Variants in SENP1 observed in about 807,000 individuals in gnomAD.
The protein encoded by SENP1 is SUMO specific peptidase 1, also known as sentrin-specific protease 1.
Under a neutral mutation model 93.0 loss-of-function variants are expected in SENP1, and 21 were observed. That is an observed-to-expected ratio of 0.23 (90% CI 0.16 to 0.33). SENP1 has a LOEUF of 0.33. Among genes scored for constraint, SENP1 ranks in the 10% least tolerant of loss-of-function variants. The pLI, the probability that SENP1 is intolerant of heterozygous loss-of-function variation, is 1.00. For missense variants in SENP1, 591 were observed against 758.7 expected, an observed-to-expected ratio of 0.78 and a Z score of 2.60; for synonymous variants, 256 against 259.6, an observed-to-expected ratio of 0.99 and a Z score of 0.13.
intron 1 of SENP1, 168 bp downstream of exon 1, chr12:48,105,860 G>C: frequency 1.7e-6 from 1 of 605,020 alleles, no homozygotes; most frequent in East Asian, 2.8e-5. Context: ...GACAGCAGGG[G>C]GGAGGGGAGG....
chr12:48,098,643 C>CAAAA (rs749908469), intron 2 of SENP1, among the ~76,000 whole-genome samples: 3 of 109,326 alleles, frequency 2.7e-5, no homozygotes, highest in Non-Finnish European at 5.9e-5. Flanking sequence ...AACTCCATCT[C>CAAAA]AAAAAAAAAA....
Position 48,101,080 on chromosome 12 carries a change from G to T in SENP1, c.4+389C>A, listed in dbSNP as rs547869740. ...GTGGGCCGATCACCTGAGGTCAGGG[G>T]TTTGAGACCAGCCTGGCCAACATGG... On this transcript the variant is annotated intron_variant, in intron 2 of 17. Transcript: ENST00000549518. Among the ~76,000 whole-genome samples, 4 of 152,298 alleles carry T rather than the reference G, an allele frequency of 2.6e-5. No individual in the cohort carries two copies. The East Asian group carries it at 7.7e-4, about 29-fold the overall frequency.
rs201210057 is a variant in SENP1 at position 48,048,489 on chromosome 12, C to T, written c.1612-409G>A. ...TTGAGAAGTTCCTTTTGGCTTTATG[C>T]TTTTGAAATGTAATCCAAAACAGAC... On this transcript the variant is annotated intron_variant, in intron 14 of 17. Coordinates refer to ENST00000549518, the MANE Select transcript of SENP1 (RefSeq NM_001267594.2). Among the ~76,000 whole-genome samples the T allele has an allele frequency of 3.9e-5, 6 of 152,106 alleles. No individual in the cohort carries two copies. The East Asian group carries it at 9.6e-4, about 24-fold the overall frequency.
At chr12:48,058,378 C>G (rs1207655258) in intron 13 of SENP1, among the ~76,000 whole-genome samples, 1 of 152,034 alleles carries the variant, frequency 6.6e-6, no homozygotes, top group East Asian at 1.9e-4. Context: ...TACCATCTTG[C>G]TCTTTCTTCC....
intron 1 of SENP1, among the ~76,000 whole-genome samples, chr12:48,103,073 TA>T (rs1417459632): frequency 6.6e-6 from 1 of 152,156 alleles, no homozygotes; most frequent in Non-Finnish European, 1.5e-5. Context: ...ACTAATATAT[TA>T]GCAACACTTT....
At position 48,056,917 on chromosome 12, in the gene SENP1, T is replaced by TA. The variant is rs546269846; in HGVS notation, c.1407+6792dup. Among the ~76,000 whole-genome samples the TA allele has an allele frequency of 1.1e-3, 33 of 30,424 alleles. 5 individuals carry two copies. In the African/African-American group the frequency reaches 0.013, roughly 12 times the overall value. The allele number at this position is 30,424 out of a possible 152,430, so 20.0% of individuals were successfully genotyped here. On this transcript the variant is annotated intron_variant, in intron 13 of 17. Coordinates refer to ENST00000549518, the MANE Select transcript of SENP1 (RefSeq NM_001267594.2). ...TTTAATATATTACATATTACATATA[T>TA]AATATATTATTTAATATATTACATA...
At chr12:48,095,220 A>G (rs1181142533) in intron 4 of SENP1, among the ~76,000 whole-genome samples, 3 of 152,124 alleles carry the variant, frequency 2.0e-5, no homozygotes, top group Admixed American at 6.6e-5. Context: ...TCTGCATTCC[A>G]TATTTATCAT....
At chr12:48,058,670 C>T (rs150448503) in intron 13 of SENP1, among the ~76,000 whole-genome samples, 1 of 152,098 alleles carries the variant, frequency 6.6e-6, no homozygotes, top group East Asian at 1.9e-4. Context: ...TGTTATAAAT[C>T]CCACAGTATG....
chr12:48,061,452 G>A (rs1942956080), intron 13 of SENP1, among the ~76,000 whole-genome samples: 1 of 152,178 alleles, frequency 6.6e-6, no homozygotes, highest in South Asian at 2.1e-4. Context: ...CTGTCACCCA[G>A]TCTAGAGTAC....
chr12:48,052,646 A>G (rs1208154374), intron 13 of SENP1, among the ~76,000 whole-genome samples: 1 of 152,220 alleles, frequency 6.6e-6, no homozygotes, highest in Non-Finnish European at 1.5e-5. Context: ...CACTGCAAAC[A>G]TGCACACAGA....
chr12:48,084,447 G>GTTTTTTTT (rs5798059), intron 5 of SENP1, among the ~76,000 whole-genome samples: 11 of 109,448 alleles, frequency 1.0e-4, no homozygotes, highest in Non-Finnish European at 1.5e-4. Context: ...CTAATTTTGA[G>GTTTTTTTT]TTTTTTTTTT....
intron 3 of SENP1, among the ~76,000 whole-genome samples, chr12:48,096,744 C>T (rs1296109681): frequency 3.3e-5 from 5 of 152,148 alleles, no homozygotes; most frequent in Non-Finnish European, 7.3e-5. Context: ...GCGTGAGCCA[C>T]CGCGCCCGGC....
chr12:48,105,727 G>A (rs935145854), intron 1 of SENP1: 9 of 514,428 alleles, frequency 1.7e-5, no homozygotes, highest in Non-Finnish European at 2.8e-5. Flanking sequence ...AGTACGGCTG[G>A]GCGCTGGGAT....
intron 5 of SENP1, among the ~76,000 whole-genome samples, chr12:48,084,514 C>T (rs1432789009): frequency 6.9e-6 from 1 of 144,448 alleles, no homozygotes; most frequent in African/African-American, 2.5e-5. Flanking sequence ...AGTGGCACGA[C>T]CTTGGCTCAC....
At chr12:48,053,551 T>G (rs1383003449) in intron 13 of SENP1, among the ~76,000 whole-genome samples, 1 of 150,902 alleles carries the variant, frequency 6.6e-6, no homozygotes, top group Non-Finnish European at 1.5e-5. Context: ...GACTCTGCAA[T>G]AAAAATCGGG....
intron 5 of SENP1, among the ~76,000 whole-genome samples, chr12:48,088,187 G>T (rs559826181): frequency 6.6e-6 from 1 of 152,008 alleles, no homozygotes; most frequent in Non-Finnish European, 1.5e-5. Flanking sequence ...CAAGTAGCTG[G>T]GACTACAGGC....
intron 13 of SENP1, among the ~76,000 whole-genome samples, chr12:48,050,074 A>G (rs893746540): frequency 3.9e-5 from 6 of 152,196 alleles, no homozygotes; most frequent in Non-Finnish European, 8.8e-5. Flanking sequence ...TAAAACTTGA[A>G]AGTTATCGTG....
chr12:48,100,652 A>G (rs1945862521), intron 2 of SENP1, among the ~76,000 whole-genome samples: 1 of 151,910 alleles, frequency 6.6e-6, no homozygotes, highest in African/African-American at 2.4e-5. Flanking sequence ...AAAAGAGAAA[A>G]AAAAAAAAAG....
intron 3 of SENP1, among the ~76,000 whole-genome samples, chr12:48,096,887 T>C (rs1446209610): frequency 2.6e-5 from 4 of 152,140 alleles, no homozygotes; most frequent in African/African-American, 4.8e-5. Context: ...GAAGAATCAC[T>C]TGAACCCAGG....
Sources: gnomAD v4.1 joint callset for allele counts (sites outside exome capture counted in the v4.1 genomes callset) on GRCh38, gnomAD v4.1.1 for gene constraint, MANE v1.5 for transcripts, NCBI Gene and HGNC (gene_info 2026-07-23, HGNC 2026-07-21) for gene names.